TRAIP: variants seen among roughly 807,000 people sequenced by gnomAD.
The protein encoded by TRAIP is E3 ubiquitin-protein ligase TRAIP.
Under a neutral mutation model 65.0 loss-of-function variants are expected in TRAIP, and 37 were observed. The ratio of observed to expected loss-of-function variants is 0.57; its 90% CI spans 0.44 to 0.75. TRAIP has a LOEUF of 0.75. Ranked by LOEUF, TRAIP falls within the 30% of genes least tolerant of loss-of-function variation. TRAIP has a pLI of 0.00. For missense variants in TRAIP, 481 were observed against 579.4 expected (o/e 0.83, Z 1.74); for synonymous variants, 187 against 219.1 (o/e 0.85, Z 1.29).
intron 7 of TRAIP, among the ~76,000 whole-genome samples, 173 bp downstream of exon 7, chr3:49,841,653 T>C (rs2081840396): frequency 6.6e-6 from 1 of 152,240 alleles, no homozygotes; most frequent in African/African-American, 2.4e-5. Context: ...GCCAAGAAAC[T>C]GGCAGCAGGC....
At chr3:49,849,482 G>A (rs1251988261) in intron 1 of TRAIP, among the ~76,000 whole-genome samples, 1 of 152,044 alleles carries the variant, frequency 6.6e-6, no homozygotes, top group African/African-American at 2.4e-5. Context: ...AACATTAGCC[G>A]GACGTGGTGG....
rs1282811356 is a variant in TRAIP at position 49,829,491 on chromosome 3, A to G, written c.1254T>C (p.Asp418=). The G allele has an allele frequency of 6.2e-7, 1 of 1,614,046 alleles. No individual in the cohort carries two copies. The highest frequency in any genetic ancestry group is 2.2e-5 in the East Asian group (1 of 44,896). Residue 418 remains aspartate, a synonymous_variant, in exon 14 of 15, where the codon GAT becomes GAC. Transcript: ENST00000331456. ...CSKDVVRTGF[D]GLGGRTKFIQ... ...TGAATTTTGTCCGGCCACCGAGCCC[A>G]TCGAAGCCTGTCCTTACCTAGGGTG...
At chr3:49,856,071 T>A (rs2081966921) in intron 1 of TRAIP, among the ~76,000 whole-genome samples, 1 of 152,228 alleles carries the variant, frequency 6.6e-6, no homozygotes, top group Non-Finnish European at 1.5e-5. Flanking sequence ...TTGCCCAGGC[T>A]AACGGTTTTG....
At chr3:49,848,113 G>C (rs1252676850) in intron 2 of TRAIP, 30 bp downstream of exon 2, 1 of 1,611,304 alleles carries the variant, frequency 6.2e-7, no homozygotes, top group African/African-American at 1.3e-5. Flanking sequence ...GATCTCTTCA[G>C]TTGAGGTGGT....
At chr3:49,853,047 G>A (rs1231829179) in intron 1 of TRAIP, among the ~76,000 whole-genome samples, 1 of 151,522 alleles carries the variant, frequency 6.6e-6, no homozygotes, top group East Asian at 1.9e-4. Flanking sequence ...GCTTGAACCA[G>A]GGAGGTGGAG....
chr3:49,849,518 G>A (rs1203685087), intron 1 of TRAIP, among the ~76,000 whole-genome samples: 2 of 151,828 alleles, frequency 1.3e-5, no homozygotes, highest in East Asian at 2.0e-4. Flanking sequence ...CCAGCTACTC[G>A]GGAGGCTGAG....
In TRAIP at chr3:49,839,817, A is replaced by G. The variant is rs1232458497; in HGVS notation, c.839T>C (p.Leu280Pro). Residue 280 changes from leucine to proline, a missense_variant, in exon 10 of 15, where the codon CTG (leucine) becomes CCG (proline). Transcript: ENST00000331456. Reference protein sequence around the residue: ...KLTMLQETLNLPPVASETVDR... With the variant: ...KLTMLQETLNPPPVASETVDR... ...GACAGTCTCACTGGCCACTGGTGGC[A>G]GGTTCAAGGTTTCCTGCAGCATCGT... is the stretch of plus-strand genomic sequence containing the variant. 1 of 1,614,140 alleles carries G rather than the reference A, an allele frequency of 6.2e-7. No individual in the cohort carries two copies. The highest frequency in any genetic ancestry group is 8.5e-7 in the Non-Finnish European group (1 of 1,180,046).
At chr3:49,833,616 G>A (rs1454324377) in intron 10 of TRAIP, among the ~76,000 whole-genome samples, 4 of 151,850 alleles carry the variant, frequency 2.6e-5, no homozygotes, top group Non-Finnish European at 4.4e-5. Flanking sequence ...AGTAGCTGGG[G>A]CTACAGGCGC....
chr3:49,836,559 C>T (rs1447151139), intron 10 of TRAIP, among the ~76,000 whole-genome samples: 2 of 152,128 alleles, frequency 1.3e-5, no homozygotes, highest in African/African-American at 2.4e-5. Context: ...CAAAGCAAAG[C>T]GGTGGCTCAC....
At chr3:49,835,932 C>G (rs1478049884) in intron 10 of TRAIP, among the ~76,000 whole-genome samples, 1 of 127,642 alleles carries the variant, frequency 7.8e-6, no homozygotes, top group Non-Finnish European at 1.7e-5. Context: ...GAGCAAGACT[C>G]CATCTCAAAA....
intron 3 of TRAIP, 69 bp downstream of exon 3, chr3:49,847,456 G>T (rs2081894696): frequency 1.0e-6 from 1 of 991,344 alleles, no homozygotes. Flanking sequence ...AAAAAGAAAA[G>T]AAAAGAAAAA....
intron 11 of TRAIP, 100 bp downstream of exon 11, chr3:49,831,816 C>G (rs1559445019): frequency 6.7e-6 from 9 of 1,347,680 alleles, no homozygotes; most frequent in Non-Finnish European, 7.8e-6. Flanking sequence ...GCAACCCTCA[C>G]TGCCCCATCA....
intron 9 of TRAIP, 132 bp from the exon 10 acceptor site, chr3:49,839,992 T>C (rs2081824875): frequency 3.2e-6 from 3 of 936,896 alleles, no homozygotes; most frequent in South Asian, 2.9e-5. Flanking sequence ...ACCTCATCAT[T>C]AGGCTCAGGA....
chr3:49,830,193 G>A, intron 11 of TRAIP, 125 bp from the exon 12 acceptor site: 1 of 1,082,510 alleles, frequency 9.2e-7, no homozygotes, highest in Admixed American at 1.8e-5. Context: ...TGCATTCTGG[G>A]CAAGGCACCT....
At position 49,828,818 on chromosome 3, in the gene TRAIP, T is replaced by G; in HGVS notation, c.*285A>C. 2.7e-6 allele frequency: 1 copy of G among 365,308 alleles called. No individual in the cohort carries two copies. 22.6% of individuals were successfully genotyped at this position (365,308 alleles called of 1,614,324 possible). ...CCGTGGTCTCCAGGCCCAGAAAGAG[T>G]CTGACCACATCTGATCATGGCTATA... On this transcript the variant is annotated 3_prime_UTR_variant, in exon 15 of 15. Transcript: ENST00000331456.
At chr3:49,849,850 T>C (rs1437688881) in intron 1 of TRAIP, among the ~76,000 whole-genome samples, 9 of 140,852 alleles carry the variant, frequency 6.4e-5, no homozygotes, top group East Asian at 2.0e-4. Flanking sequence ...CTTTTTTTTT[T>C]TTTTTTTTTT....
chr3:49,829,266 C>A, intron 14 of TRAIP, 41 bp from the exon 15 acceptor site: 1 of 1,613,934 alleles, frequency 6.2e-7, no homozygotes, highest in Non-Finnish European at 8.5e-7. Flanking sequence ...GAAAGGACTG[C>A]AATGCAGGGC....
intron 1 of TRAIP, among the ~76,000 whole-genome samples, chr3:49,852,787 T>C (rs1473954694): frequency 6.6e-6 from 1 of 151,218 alleles, no homozygotes; most frequent in Admixed American, 6.6e-5. Flanking sequence ...GAAATTGCTC[T>C]ACACGTTAAA....
chr3:49,837,829 A>C (rs1445674847), intron 10 of TRAIP, among the ~76,000 whole-genome samples: 1 of 150,488 alleles, frequency 6.6e-6, no homozygotes, highest in Non-Finnish European at 1.5e-5. Context: ...TGATCCACTC[A>C]CCTCAGCCTC....
Sources: gnomAD v4.1 joint callset for allele counts (sites outside exome capture counted in the v4.1 genomes callset) on GRCh38, gnomAD v4.1.1 for gene constraint, MANE v1.5 for transcripts, NCBI Gene and HGNC (gene_info 2026-07-23, HGNC 2026-07-21) for gene names.